Variants in NLRP12 observed in about 807,000 individuals in gnomAD.
NLRP12 encodes NACHT, LRR and PYD domains-containing protein 12.
A neutral mutation model predicts 91.2 loss-of-function variants in NLRP12; 108 were observed. The ratio of observed to expected loss-of-function variants is 1.18; its 90% confidence interval spans 1.01 to 1.39. The LOEUF (loss-of-function observed/expected upper bound fraction) is 1.39. Among genes scored for constraint, NLRP12 ranks in the 40% most tolerant of loss-of-function variants. NLRP12 has a pLI of 0.00. For missense variants in NLRP12, 1,530 were observed against 1,352.7 expected (o/e 1.13, Z -2.06); for synonymous variants, 613 against 566.7 (o/e 1.08, Z -1.16).
chr19:53,807,551 C>T lies in NLRP12; in HGVS notation c.2187G>A (p.Gly729=), dbSNP rs759367681. The T allele has an allele frequency of 6.2e-7, 1 of 1,614,000 alleles. No homozygotes were observed. Among genetic ancestry groups the T allele is most frequent in the Non-Finnish European group, 8.5e-7 (1 of 1,180,024 alleles). The change falls in exon 4 of 10, where the codon GGG becomes GGA. Residue 729 remains glycine, a synonymous_variant. Transcript: ENST00000324134. ...SLYRNALGSR[G]VKLLCQGLRH... is the part of the protein sequence containing the mutation. ...TGAGTCCTTGACAGAGCAGCTTCAC[C>T]CCCCGGCTGCCCAGGGCATTTCGGT...
At position 53,793,818 on chromosome 19, in the gene NLRP12, C is replaced by G; in HGVS notation, c.*231G>C. 9.8e-6 allele frequency: 6 copies of G among 609,882 alleles called. No homozygotes were observed. The highest frequency in any genetic ancestry group is 1.5e-5 in the Non-Finnish European group (5 of 338,178). 37.8% of individuals were successfully genotyped at this position (609,882 alleles called of 1,614,324 possible). A position where few individuals can be genotyped will look rare whatever the true frequency, so the allele number is the denominator to read the frequency against. ...GCCAGGCTAATCTCAAACTCCTGAC[C>G]TCGTGATCCACCTGCCTCGGCCTCT... On this transcript the variant is annotated 3_prime_UTR_variant, in exon 10 of 10. Coordinates refer to ENST00000324134, the MANE Select transcript of NLRP12 (RefSeq NM_144687.4).
chr19:53,814,102 C>T (rs115898441), intron 2 of NLRP12, among the ~76,000 whole-genome samples: 3 of 152,232 alleles, frequency 2.0e-5, no homozygotes, highest in African/African-American at 7.2e-5. Context: ...GACTGTACCC[C>T]GGTTTCTTCC....
chr19:53,817,685 G>A (rs62143198), intron 1 of NLRP12, among the ~76,000 whole-genome samples: 39,419 of 151,738 alleles, frequency 0.26, 5,547 homozygotes, highest in African/African-American at 0.39. Context: ...GCAGTGAGCC[G>A]AGATCGCGCC....
In NLRP12 at chr19:53,824,256, C is replaced by T. The variant is rs1438570059; in HGVS notation, c.-82G>A. Reference sequence around the variant, plus strand: ...GGGACACAGGGCGACCCCAGCACACCTTCCATTGCATCATTCACAGGCAGC... The same window carrying T: ...GGGACACAGGGCGACCCCAGCACACTTTCCATTGCATCATTCACAGGCAGC... On this transcript the variant is annotated 5_prime_UTR_variant, in exon 1 of 10. Transcript: ENST00000324134. 2.1e-6 allele frequency: 3 copies of T among 1,399,218 alleles called. No individual in the cohort carries two copies. In the African/African-American group the frequency reaches 4.2e-5, roughly 20 times the overall value. 86.7% of individuals were successfully genotyped at this position (1,399,218 alleles called of 1,614,324 possible).
In NLRP12 at chr19:53,810,413, G is replaced by A. The variant is rs200296032; in HGVS notation, c.1246C>T (p.Gln416Ter). 5.6e-6 allele frequency: 9 copies of A among 1,613,918 alleles called. No homozygotes were observed. In the Admixed American group the frequency reaches 1.3e-4, roughly 24 times the overall value. ...AACAGCCCCCCACCCTCCAGCTGCT[G>A]CTGGAGGCAGGTACACACCACCCAG... ...VCWVVCTCLQ[Q>*]QLEGGGLLRQ... Residue 416 changes from glutamine (Q) to a stop codon, truncating the protein, a stop_gained, in exon 3 of 10, where the codon CAG becomes TAG. Transcript: ENST00000324134. LOFTEE classifies it high-confidence loss of function.
chr19:53,803,399 C>T (rs2091905111), intron 6 of NLRP12, among the ~76,000 whole-genome samples: 1 of 151,906 alleles, frequency 6.6e-6, no homozygotes, highest in African/African-American at 2.4e-5. Flanking sequence ...AGGCTGGTCT[C>T]GAACTCCAGA....
At chr19:53,799,301 C>T (rs977513213) in intron 7 of NLRP12, among the ~76,000 whole-genome samples, 5 of 151,978 alleles carry the variant, frequency 3.3e-5, no homozygotes, top group Admixed American at 1.3e-4. Flanking sequence ...TGAGCCACCG[C>T]GCCCAGCCGC....
intron 3 of NLRP12, chr19:53,807,891 C>T (rs1201048539): frequency 3.9e-6 from 2 of 515,026 alleles, no homozygotes; most frequent in African/African-American, 3.8e-5. Context: ...GCTGGGATTA[C>T]AGGCATGAGC....
intron 1 of NLRP12, among the ~76,000 whole-genome samples, chr19:53,823,495 T>TATA (rs1568703224): frequency 8.5e-5 from 6 of 70,896 alleles, no homozygotes; most frequent in South Asian, 3.8e-4. Context: ...TTAAAATATA[T>TATA]TTATTTAAAA....
intron 1 of NLRP12, among the ~76,000 whole-genome samples, chr19:53,819,147 A>G (rs1219012300): frequency 1.3e-5 from 2 of 152,080 alleles, no homozygotes; most frequent in Non-Finnish European, 1.5e-5. Context: ...TTTTGATTCT[A>G]TATTTGTACA....
At chr19:53,802,353 TACAA>T (rs1198688212) in intron 6 of NLRP12, among the ~76,000 whole-genome samples, 1 of 151,770 alleles carries the variant, frequency 6.6e-6, no homozygotes, top group Non-Finnish European at 1.5e-5. Flanking sequence ...ATTGGGGAAA[TACAA>T]ATGAAAACCA....
intron 7 of NLRP12, among the ~76,000 whole-genome samples, chr19:53,798,743 A>ATT (rs202039030): frequency 2.6e-5 from 4 of 152,138 alleles, no homozygotes; most frequent in African/African-American, 9.6e-5. Context: ...TACAAAAAAA[A>ATT]ATTTTTTTTC....
Position 53,801,410 on chromosome 19 carries a change from C to T in NLRP12, c.2586-13G>A. ...GCAGATCTTCAGCCTGCACAAAGTC[C>T]AATTCAACAAGCATTATGGAGGCTT... On this transcript the variant is annotated splice_polypyrimidine_tract_variant and intron_variant, in intron 6 of 9. Coordinates refer to ENST00000324134, the MANE Select transcript of NLRP12 (RefSeq NM_144687.4). The T allele has an allele frequency of 6.2e-7, 1 of 1,607,784 alleles. No individual in the cohort carries two copies. The highest frequency in any genetic ancestry group is 8.5e-7 in the Non-Finnish European group (1 of 1,176,426).
chr19:53,798,682 T>C (rs907751289), intron 7 of NLRP12, among the ~76,000 whole-genome samples: 1 of 152,134 alleles, frequency 6.6e-6, no homozygotes, highest in Admixed American at 6.6e-5. Flanking sequence ...GCTGGAGGGT[T>C]TTTTGAGGTC....
At chr19:53,818,028 G>A (rs751492301) in intron 1 of NLRP12, among the ~76,000 whole-genome samples, 1 of 151,000 alleles carries the variant, frequency 6.6e-6, no homozygotes, top group East Asian at 2.0e-4. Context: ...AGTGATTCAC[G>A]TGCCTCAGCC....
Position 53,798,349 on chromosome 19 carries a change from G to A in NLRP12, c.2821C>T (p.His941Tyr). Residue 941 changes from histidine (H) to tyrosine (Y), a missense_variant, in exon 8 of 10, where the codon CAC (histidine) becomes TAC (tyrosine). By Grantham distance (83) the His-to-Tyr change is moderately conservative. Transcript: ENST00000324134. ...EGLSVVLQANHNLRELDLSFN... is the reference protein window; with the variant it reads ...EGLSVVLQANYNLRELDLSFN... Reference sequence around the variant, plus strand: ...CTCAAGTCCAGCTCCCGGAGGTTGTGGTTGGCCTGGAGCACCACAGAAAGA... The same window carrying A: ...CTCAAGTCCAGCTCCCGGAGGTTGTAGTTGGCCTGGAGCACCACAGAAAGA... The A allele has an allele frequency of 6.2e-7, 1 of 1,614,128 alleles. No individual in the cohort carries two copies. The highest frequency in any genetic ancestry group is 2.2e-5 in the East Asian group (1 of 44,864).
Position 53,810,222 on chromosome 19 carries a change from C to A in NLRP12, c.1437G>T (p.Gln479His). The change falls in exon 3 of 10, where the codon CAG becomes CAT. Residue 479 changes from glutamine (Q) to histidine (H), a missense_variant. Physicochemically the swap from Gln to His is conservative, Grantham distance 24. Transcript: ENST00000324134. ...LWNQKILFEE[Q>H]DLRKHGLDGE... ...CGTCTAGGCCGTGCTTCCGGAGGTC[C>A]TGCTCCTCAAATAGGATTTTCTGAT... 6.2e-7 allele frequency: 1 copy of A among 1,614,164 alleles called. No individual in the cohort carries two copies. The highest frequency in any genetic ancestry group is 8.5e-7 in the Non-Finnish European group (1 of 1,180,030).
rs1049564338 is a variant in NLRP12, at chr19:53,824,068, G to C, written c.107C>G (p.Thr36Arg). 1.9e-6 allele frequency: 3 copies of C among 1,614,012 alleles called. No individual in the cohort carries two copies. Among genetic ancestry groups the C allele is most frequent in the Admixed American group, 1.7e-5 (1 of 59,978 alleles). Residue 36 changes from threonine to arginine, a missense_variant, in exon 1 of 10, where the codon ACA becomes AGA. Physicochemically the swap from Thr to Arg is moderately conservative, Grantham distance 71. Transcript: ENST00000324134. Reference sequence around the variant, plus strand: ...GGGGATCTTGCCTTCTCCCAGCTCTGTCGCGGTCCCCAGGTATAACTTGAA... The same window carrying C: ...GGGGATCTTGCCTTCTCCCAGCTCTCTCGCGGTCCCCAGGTATAACTTGAA... Reference protein sequence around the residue: ...KKFKLYLGTATELGEGKIPWG... With the variant: ...KKFKLYLGTARELGEGKIPWG...
intron 2 of NLRP12, among the ~76,000 whole-genome samples, chr19:53,813,161 G>A (rs112499488): frequency 3.9e-5 from 6 of 151,908 alleles, no homozygotes; most frequent in Admixed American, 1.3e-4. Flanking sequence ...AATTACAGAC[G>A]TGAGCCACTG....
Sources: gnomAD v4.1 joint callset for allele counts (sites outside exome capture counted in the v4.1 genomes callset) on GRCh38, gnomAD v4.1.1 for gene constraint, MANE v1.5 for transcripts, NCBI Gene and HGNC (gene_info 2026-07-23, HGNC 2026-07-21) for gene names.